Variants in WDR25 observed in about 807,000 individuals in gnomAD.
The protein encoded by WDR25 is WD repeat-containing protein 25.
Under a neutral mutation model 47.7 loss-of-function variants are expected in WDR25, and 35 were observed. The ratio of observed to expected loss-of-function variants is 0.73; its 90% CI spans 0.56 to 0.97. The LOEUF (loss-of-function observed/expected upper bound fraction) is 0.97. Ranked by LOEUF, WDR25 falls within the 50% of genes least tolerant of loss-of-function variation. The pLI, the probability that WDR25 is intolerant of heterozygous loss-of-function variation, is 0.00. For missense variants in WDR25, 634 were observed against 704.7 expected (o/e 0.90, Z 1.14); for synonymous variants, 248 against 278.9 (o/e 0.89, Z 1.10).
Position 100,449,249 on chromosome 14 carries a change from A to G in WDR25, c.823-18772A>G, listed in dbSNP as rs1469118322. 1.3e-5 allele frequency among the ~76,000 whole-genome samples: 2 copies of G among 152,210 alleles called. No individual in the cohort carries two copies. Among genetic ancestry groups the G allele is most frequent in the Admixed American group, 1.3e-4 (2 of 15,288 alleles). On this transcript the variant is annotated intron_variant, in intron 2 of 6. Transcript: ENST00000402312. This position sits in a 1 kb window ranked among gnomAD's most constrained non-coding sequence, Gnocchi z 4.2. ...TGCAAATTGAGAAATCTTGATGAAA[A>G]CGATCACTTCCATCCCAGCCCCATC...
intron 2 of WDR25, among the ~76,000 whole-genome samples, chr14:100,402,851 G>A (rs1327313157): frequency 6.6e-6 from 1 of 152,164 alleles, no homozygotes; most frequent in Admixed American, 6.5e-5. Flanking sequence ...GTGGAGCAGA[G>A]CCAGGGGCAC....
At chr14:100,416,182 C>T (rs890940753) in intron 2 of WDR25, among the ~76,000 whole-genome samples, 10 of 152,324 alleles carry the variant, frequency 6.6e-5, no homozygotes, top group East Asian at 5.8e-4. Context: ...TCTCATTCCT[C>T]GCTGCCGTTT....
At chr14:100,377,726 G>A (rs908632340) in intron 1 of WDR25, among the ~76,000 whole-genome samples, 1 of 152,192 alleles carries the variant, frequency 6.6e-6, no homozygotes, top group Non-Finnish European at 1.5e-5. Context: ...ATGATGACCT[G>A]ACTTGTAGAC....
intron 2 of WDR25, among the ~76,000 whole-genome samples, chr14:100,421,425 A>G (rs1898022682): frequency 6.6e-6 from 1 of 152,252 alleles, no homozygotes; most frequent in African/African-American, 2.4e-5. Context: ...AGAGGGGAGG[A>G]AGCAGGCTGA....
At chr14:100,447,298 A>T (rs1161679096) in intron 2 of WDR25, among the ~76,000 whole-genome samples, 1 of 152,212 alleles carries the variant, frequency 6.6e-6, no homozygotes, top group Non-Finnish European at 1.5e-5. Context: ...TCAGAAATGG[A>T]CTGGAGACCC....
chr14:100,503,459 C>A (rs1901008706), intron 4 of WDR25, among the ~76,000 whole-genome samples: 1 of 152,124 alleles, frequency 6.6e-6, no homozygotes, highest in African/African-American at 2.4e-5. Context: ...AAAGCAGGTG[C>A]TTTATAATGA....
Position 100,529,384 on chromosome 14 carries a change from C to A in WDR25, c.1413+176C>A. On this transcript the variant is annotated intron_variant, in intron 6 of 6. Transcript: ENST00000402312. This position sits in a 1 kb window ranked among gnomAD's most constrained non-coding sequence, Gnocchi z 5.1. ...GTCTCTTCAAGTCCCTGAACCACAT[C>A]TGGTCCTCACCCCAGGCCCCACGTA... 1 of 952,798 alleles carries A rather than the reference C, an allele frequency of 1.0e-6. No homozygotes were observed. Among genetic ancestry groups the A allele is most frequent in the Non-Finnish European group, 1.5e-6 (1 of 648,084 alleles). The allele number at this position is 952,798 out of a possible 1,614,324, so 59.0% of individuals were successfully genotyped here. A position where few individuals can be genotyped will look rare whatever the true frequency, so the allele number is the denominator to read the frequency against.
rs568509424 is a variant in WDR25 at position 100,528,698 on chromosome 14, G to C, written c.1273-370G>C. ...TGACCCTGTAAGGTAACATTCACAG[G>C]TTTCAGGAATTAGAACATGGGTATA... On this transcript the variant is annotated intron_variant, in intron 5 of 6. Coordinates refer to ENST00000402312, the MANE Select transcript of WDR25 (RefSeq NM_001161476.3). 4.4e-4 allele frequency among the ~76,000 whole-genome samples: 67 copies of C among 152,240 alleles called. 4 individuals carry two copies. In the South Asian group the frequency reaches 0.014, roughly 31 times the overall value.
In WDR25 at chr14:100,394,966, C is replaced by CAA. The variant is rs560276394; in HGVS notation, c.822+13228_822+13229dup. Among the ~76,000 whole-genome samples, 604 of 150,200 alleles carry CAA rather than the reference C, an allele frequency of 4.0e-3. 3 individuals carry two copies. The highest frequency in any genetic ancestry group is 0.014 in the African/African-American group (568 of 40,888). ...TGCCACTGCACTCAAGCCTGTATCT[C>CAA]AAAAAAAAACAACAACAATGAAATC... On this transcript the variant is annotated intron_variant, in intron 2 of 6. Coordinates refer to ENST00000402312, the MANE Select transcript of WDR25 (RefSeq NM_001161476.3).
chr14:100,390,023 A>G (rs894818010), intron 2 of WDR25, among the ~76,000 whole-genome samples: 1 of 151,960 alleles, frequency 6.6e-6, no homozygotes, highest in Non-Finnish European at 1.5e-5. Context: ...TTTCTGGGGA[A>G]TTTCTTCCAC....
chr14:100,420,787 A>T (rs1046884770), intron 2 of WDR25, among the ~76,000 whole-genome samples: 1 of 152,190 alleles, frequency 6.6e-6, no homozygotes, highest in Non-Finnish European at 1.5e-5. Flanking sequence ...AGTGGCTTCA[A>T]CAGGTGGAGA....
At chr14:100,459,945 T>TATATATATAAAC (rs1566920424) in intron 2 of WDR25, among the ~76,000 whole-genome samples, 1 of 83,966 alleles carries the variant, frequency 1.2e-5, no homozygotes, top group Non-Finnish European at 2.8e-5. Flanking sequence ...TATATACACA[T>TATATATATAAAC]ACACATACAC....
In WDR25 at chr14:100,430,624, C is replaced by T. The variant is rs1235116864; in HGVS notation, c.823-37397C>T. The stretch of plus-strand genomic sequence containing the variant: ...CTTATGCCAGGCAGGACTGTGGTCC[C>T]TGTTTGCAGATGAGGACACTGAGGC... On this transcript the variant is annotated intron_variant, in intron 2 of 6. Transcript: ENST00000402312. The surrounding 1 kb of genome is among the most constrained non-coding windows in gnomAD (Gnocchi z 4.7). Among the ~76,000 whole-genome samples the T allele has an allele frequency of 6.6e-6, 1 of 152,132 alleles. No homozygotes were observed. Among genetic ancestry groups the T allele is most frequent in the Admixed American group, 6.5e-5 (1 of 15,274 alleles).
At chr14:100,398,569 C>G (rs1003619447) in intron 2 of WDR25, among the ~76,000 whole-genome samples, 1 of 151,836 alleles carries the variant, frequency 6.6e-6, no homozygotes, top group Non-Finnish European at 1.5e-5. Context: ...CCAACTTCTT[C>G]GAATGGTAAC....
In WDR25 at chr14:100,498,271, G is replaced by A. The variant is rs1185862049; in HGVS notation, c.1101+14147G>A. 6.6e-6 allele frequency among the ~76,000 whole-genome samples: 1 copy of A among 152,172 alleles called. No individual in the cohort carries two copies. The highest frequency in any genetic ancestry group is 2.1e-4 in the South Asian group (1 of 4,832). ...CAAATCTGGCGCGGAGGCTGCGGAGGGAGATGGATGTGCTGAGAGGAGACT... is the reference window on the plus strand; with the variant it reads ...CAAATCTGGCGCGGAGGCTGCGGAGAGAGATGGATGTGCTGAGAGGAGACT... On this transcript the variant is annotated intron_variant, in intron 4 of 6. Coordinates refer to ENST00000402312, the MANE Select transcript of WDR25 (RefSeq NM_001161476.3). The surrounding 1 kb of genome is among the most constrained non-coding windows in gnomAD (Gnocchi z 4.2).
At chr14:100,492,742 C>G (rs1444891669) in intron 4 of WDR25, among the ~76,000 whole-genome samples, 1 of 151,990 alleles carries the variant, frequency 6.6e-6, no homozygotes, top group Non-Finnish European at 1.5e-5. Flanking sequence ...TTAGCCTTGC[C>G]ATAACTAATA....
At chr14:100,386,622 G>A (rs1029685240) in intron 2 of WDR25, among the ~76,000 whole-genome samples, 76 of 152,234 alleles carry the variant, frequency 5.0e-4, no homozygotes, top group African/African-American at 1.7e-3. Flanking sequence ...GGCCAGGCGC[G>A]GTGGCTCATG....
chr14:100,423,836 A>C (rs142273676), intron 2 of WDR25, among the ~76,000 whole-genome samples: 4 of 152,298 alleles, frequency 2.6e-5, no homozygotes, highest in Non-Finnish European at 4.4e-5. Context: ...GGTCTTTTGC[A>C]GGCACTCAGG....
At chr14:100,459,937 T>C (rs796286198) in intron 2 of WDR25, among the ~76,000 whole-genome samples, 4,708 of 97,562 alleles carry the variant, frequency 0.048, 425 homozygotes, top group African/African-American at 0.16. Context: ...TATATATATA[T>C]ATACACATAC....
Sources: allele counts gnomAD v4.1 joint callset (sites outside exome capture counted in the v4.1 genomes callset), GRCh38; gene constraint gnomAD v4.1.1; non-coding constraint Gnocchi (gnomAD v3.1); transcripts MANE v1.5; gene names NCBI Gene and HGNC (gene_info 2026-07-23, HGNC 2026-07-21).